AIM2: variants seen among roughly 807,000 people sequenced by gnomAD.
AIM2 encodes interferon-inducible protein AIM2.
In AIM2, 30 loss-of-function variants were observed where a neutral mutation model predicts 27.7. The ratio of observed to expected loss-of-function variants is 1.08; its 90% confidence interval spans 0.81 to 1.47. The LOEUF (loss-of-function observed/expected upper bound fraction) is 1.47. Among genes scored for constraint, AIM2 ranks in the 40% most tolerant of loss-of-function variants. AIM2 has a pLI of 0.00. For missense variants in AIM2, 358 were observed against 411.3 expected (o/e 0.87, Z 1.12); for synonymous variants, 141 against 145.3 (o/e 0.97, Z 0.21).
chr1:159,143,394 T>G (rs1267216617), upstream of AIM2, among the ~76,000 whole-genome samples: 1 of 152,194 alleles, frequency 6.6e-6, no homozygotes, highest in Non-Finnish European at 1.5e-5. Context: ...AGGCACAGAA[T>G]AGACCTTTCT....
chr1:159,135,144 T>C (rs1183118326), intron 1 of AIM2, among the ~76,000 whole-genome samples: 1 of 152,220 alleles, frequency 6.6e-6, no homozygotes, highest in Non-Finnish European at 1.5e-5. Flanking sequence ...CGCTCAGTTC[T>C]TAGCACACAG....
chr1:159,094,033 C>T (rs180752493), intron 1 of AIM2, among the ~76,000 whole-genome samples: 1 of 151,974 alleles, frequency 6.6e-6, no homozygotes, highest in South Asian at 2.1e-4. Flanking sequence ...AGTCACTGCA[C>T]ATGGCATATT....
In AIM2 at chr1:159,073,399, T is replaced by C. The variant is rs575843618; in HGVS notation, c.101A>G (p.Asn34Ser). 2 of 1,614,214 alleles carry C rather than the reference T, an allele frequency of 1.2e-6. No individual in the cohort carries two copies. The highest frequency in any genetic ancestry group is 2.7e-5 in the African/African-American group (2 of 75,068). Residue 34 changes from asparagine to serine, a missense_variant, in exon 2 of 6, where the codon AAT (asparagine) becomes AGT (serine). Asn to Ser is a conservative substitution (Grantham distance 46). Transcript: ENST00000368130. ...RFKFFLSDEF[N>S]IATGKLHTAN... ...AGTATGTAGTTTGCCTGTGGCAATATTAAACTCGTCTGAAAGAAAGAACTT... is the reference window on the plus strand; with the variant it reads ...AGTATGTAGTTTGCCTGTGGCAATACTAAACTCGTCTGAAAGAAAGAACTT...
chr1:159,146,391 T>C (rs1026105765), intron 1 of AIM2, among the ~76,000 whole-genome samples: 2 of 152,124 alleles, frequency 1.3e-5, no homozygotes, highest in Non-Finnish European at 2.9e-5. Context: ...ATCACCTGCT[T>C]GTGTAGATTC....
At chr1:159,092,887 A>C (rs1018880989) in intron 1 of AIM2, among the ~76,000 whole-genome samples, 8 of 151,948 alleles carry the variant, frequency 5.3e-5, no homozygotes, top group Non-Finnish European at 1.2e-4. Context: ...TTAGCTGAGT[A>C]TGGTGGTGGG....
At chr1:159,084,584 CA>C (rs149766119) in intron 1 of AIM2, among the ~76,000 whole-genome samples, 5,574 of 151,892 alleles carry the variant, frequency 0.037, 244 homozygotes, top group African/African-American at 0.1. Context: ...CCAGCCTGAG[CA>C]AAAAACGGCG....
upstream of AIM2, chr1:159,081,494 G>T: frequency 1.9e-6 from 1 of 520,004 alleles, no homozygotes; most frequent in South Asian, 1.4e-5. Flanking sequence ...GAGCCCCTCT[G>T]ACTGCAGAAT....
Position 159,066,290 on chromosome 1 carries a change from T to C in AIM2, c.436A>G (p.Arg146Gly). 9 of 1,613,854 alleles carry C rather than the reference T, an allele frequency of 5.6e-6. No individual in the cohort carries two copies. Among genetic ancestry groups the C allele is most frequent in the East Asian group, 2.2e-5 (1 of 44,878 alleles). ...AAACAGCGCTTCTGAAACCCTTCTCTGATAGATTCCTGCTGGGCCACCATC... is the reference window on the plus strand; with the variant it reads ...AAACAGCGCTTCTGAAACCCTTCTCCGATAGATTCCTGCTGGGCCACCATC... ...KQMVAQQESI[R>G]EGFQKRCLPV... The change falls in exon 4 of 6, where the codon AGA becomes GGA. Residue 146 changes from arginine to glycine, a missense_variant. Physicochemically the swap from Arg to Gly is moderately radical, Grantham distance 125 (BLOSUM62 -2). Coordinates refer to ENST00000368130, the MANE Select transcript of AIM2 (RefSeq NM_004833.3).
chr1:159,125,980 G>A (rs1367697944), intron 1 of AIM2, among the ~76,000 whole-genome samples: 1 of 152,076 alleles, frequency 6.6e-6, no homozygotes, highest in African/African-American at 2.4e-5. Flanking sequence ...TCCATTCTAG[G>A]GCCAGGAATT....
chr1:159,141,078 C>T (rs1227055405), upstream of AIM2, among the ~76,000 whole-genome samples: 5 of 151,958 alleles, frequency 3.3e-5, no homozygotes, highest in East Asian at 3.9e-4. Flanking sequence ...TGAGCTTGAG[C>T]GCAAAAAGCC....
intron 1 of AIM2, among the ~76,000 whole-genome samples, chr1:159,101,510 C>T (rs932500916): frequency 2.0e-5 from 3 of 152,098 alleles, no homozygotes; most frequent in Non-Finnish European, 2.9e-5. Context: ...AATGTAGAAG[C>T]GACTTTGGAA....
chr1:159,120,351 G>A (rs1226557753), intron 1 of AIM2, among the ~76,000 whole-genome samples: 1 of 152,086 alleles, frequency 6.6e-6, no homozygotes, highest in African/African-American at 2.4e-5. Context: ...TATTAGATAT[G>A]CAATTCAGTC....
intron 1 of AIM2, among the ~76,000 whole-genome samples, chr1:159,118,764 GA>G (rs1483705119): frequency 6.6e-6 from 1 of 152,060 alleles, no homozygotes; most frequent in Non-Finnish European, 1.5e-5. Flanking sequence ...TATTTGCTGG[GA>G]ATCTTCTGCA....
chr1:159,073,547 T>G, intron 1 of AIM2, 28 bp from the exon 2 acceptor site: 1 of 1,569,628 alleles, frequency 6.4e-7, no homozygotes, highest in Non-Finnish European at 8.7e-7. Context: ...CATGTAAGAT[T>G]ACACCACCAA....
chr1:159,145,077 C>G (rs1398145127), upstream of AIM2, among the ~76,000 whole-genome samples: 1 of 152,110 alleles, frequency 6.6e-6, no homozygotes, highest in East Asian at 1.9e-4. Flanking sequence ...GCTATCAGCT[C>G]CCTCTTACTA....
chr1:159,107,719 G>A (rs1422649640), intron 1 of AIM2, among the ~76,000 whole-genome samples: 1 of 152,100 alleles, frequency 6.6e-6, no homozygotes, highest in Admixed American at 6.6e-5. Flanking sequence ...CGAAATGGGA[G>A]ATATTACAAC....
At chr1:159,083,051 C>T (rs529397716) in intron 1 of AIM2, among the ~76,000 whole-genome samples, 1 of 151,916 alleles carries the variant, frequency 6.6e-6, no homozygotes, top group South Asian at 2.1e-4. Flanking sequence ...GCAATAAGCA[C>T]GTCAAGATGG....
intron 1 of AIM2, among the ~76,000 whole-genome samples, chr1:159,098,439 A>G (rs1403349662): frequency 6.6e-6 from 1 of 151,564 alleles, no homozygotes; most frequent in Non-Finnish European, 1.5e-5. Context: ...GTAAAAATGT[A>G]TTTCTTCAGT....
chr1:159,143,467 G>A (rs1383704669), upstream of AIM2, among the ~76,000 whole-genome samples: 1 of 152,042 alleles, frequency 6.6e-6, no homozygotes, highest in African/African-American at 2.4e-5. Flanking sequence ...GTTAGTCAAG[G>A]GGACTATATG....
Sources: allele counts gnomAD v4.1 joint callset (sites outside exome capture counted in the v4.1 genomes callset), GRCh38; gene constraint gnomAD v4.1.1; transcripts MANE v1.5; gene names NCBI Gene and HGNC (gene_info 2026-07-23, HGNC 2026-07-21).